CREM: variants seen among roughly 807,000 people sequenced by gnomAD.
CREM encodes cAMP-responsive element modulator.
CREM carries 13 observed loss-of-function variants against 37.3 expected under a neutral mutation model. The ratio of observed to expected loss-of-function variants is 0.35; its 90% confidence interval spans 0.23 to 0.55. CREM has a LOEUF of 0.55. Among genes scored for constraint, CREM ranks in the 20% least tolerant of loss-of-function variants. The probability of loss-of-function intolerance (pLI) is 0.88; values close to 1 mark genes in which losing one functional copy is unlikely to be tolerated. For synonymous variants in CREM, 124 were observed against 120.2 expected, an observed-to-expected ratio of 1.03 and a Z score of -0.21; for missense variants, 296 against 362.3, an observed-to-expected ratio of 0.82 and a Z score of 1.49.
At chr10:35,167,281 A>G (rs953961237) in intron 3 of CREM, among the ~76,000 whole-genome samples, 5 of 152,198 alleles carry the variant, frequency 3.3e-5, no homozygotes, top group African/African-American at 1.2e-4. Context: ...TATAGAACAG[A>G]CTTTTGAGAA....
rs113138162 is a variant in CREM at position 35,146,080 on chromosome 10, T to C, written c.45-2288T>C. Among the ~76,000 whole-genome samples, 980 of 152,374 alleles carry C rather than the reference T, an allele frequency of 6.4e-3. 14 individuals carry two copies. The highest frequency in any genetic ancestry group is 0.022 in the African/African-American group (930 of 41,590). ...AAGGGCCATGACTTATCTGCTTTTG[T>C]ATTTTCAGGGCCTGCCATGTAGACT... On this transcript the variant is annotated intron_variant, in intron 2 of 7. Coordinates refer to ENST00000685392, the MANE Select transcript of CREM (RefSeq NM_183011.2).
At chr10:35,177,817 A>G (rs1173341836) in intron 3 of CREM, among the ~76,000 whole-genome samples, 1 of 152,180 alleles carries the variant, frequency 6.6e-6, no homozygotes, top group Non-Finnish European at 1.5e-5. Flanking sequence ...AGTTGTTATG[A>G]TTCTATGACA....
chr10:35,161,587 C>A (rs757394372), intron 3 of CREM, among the ~76,000 whole-genome samples: 1 of 151,666 alleles, frequency 6.6e-6, no homozygotes, highest in African/African-American at 2.4e-5. Context: ...CACTTGAACC[C>A]GGGAGGCAGA....
chr10:35,209,288 G>T (rs932599399), intron 7 of CREM: 11 of 984,976 alleles, frequency 1.1e-5, no homozygotes, highest in African/African-American at 3.5e-5. Context: ...TGCCAATCCA[G>T]CAACAGTTTT....
At chr10:35,138,526 A>G (rs923745121) in intron 2 of CREM, among the ~76,000 whole-genome samples, 1 of 136,924 alleles carries the variant, frequency 7.3e-6, no homozygotes, top group East Asian at 2.0e-4. Context: ...AAATTTTAGA[A>G]TTTTTTTTTT....
At chr10:35,166,967 C>G (rs1221851308) in intron 3 of CREM, among the ~76,000 whole-genome samples, 2 of 152,034 alleles carry the variant, frequency 1.3e-5, no homozygotes, top group African/African-American at 4.8e-5. Flanking sequence ...GATGGTAAAC[C>G]CTGTCTTTAC....
intron 2 of CREM, 74 bp from the exon 3 acceptor site, chr10:35,148,294 A>C: frequency 1.4e-6 from 2 of 1,429,358 alleles, no homozygotes; most frequent in Admixed American, 4.7e-5. Context: ...TTTTTGGATT[A>C]GGGATGTTCA....
chr10:35,131,452 A>T (rs1367173875), intron 1 of CREM, among the ~76,000 whole-genome samples: 1 of 152,124 alleles, frequency 6.6e-6, no homozygotes, highest in Non-Finnish European at 1.5e-5. Context: ...TAGCACAAAA[A>T]ATGATTTTTT....
At chr10:35,194,772 T>A (rs1287131138) in intron 6 of CREM, among the ~76,000 whole-genome samples, 1 of 152,106 alleles carries the variant, frequency 6.6e-6, no homozygotes, top group Non-Finnish European at 1.5e-5. Flanking sequence ...CCAAGTGTTT[T>A]TTCTCTTATG....
At chr10:35,174,139 T>C (rs183484239) in intron 3 of CREM, among the ~76,000 whole-genome samples, 245 of 152,330 alleles carry the variant, frequency 1.6e-3, no homozygotes, top group Middle Eastern at 3.4e-3. Context: ...GGGCTACATA[T>C]TGGTTGCCTC....
intron 6 of CREM, among the ~76,000 whole-genome samples, chr10:35,198,794 A>G (rs1000901458): frequency 6.6e-6 from 1 of 152,174 alleles, no homozygotes; most frequent in East Asian, 1.9e-4. Context: ...ATAAGGATAT[A>G]TATCACCTTT....
chr10:35,133,852 C>G (rs994227610), intron 1 of CREM, among the ~76,000 whole-genome samples: 5 of 152,178 alleles, frequency 3.3e-5, no homozygotes, highest in African/African-American at 1.2e-4. Context: ...CCTGGGCACA[C>G]TAGAGAACTG....
intron 3 of CREM, among the ~76,000 whole-genome samples, chr10:35,150,047 T>G (rs1356465313): frequency 1.3e-5 from 2 of 152,212 alleles, no homozygotes; most frequent in Non-Finnish European, 2.9e-5. Flanking sequence ...TGTTAACATT[T>G]TGGTGTAGCT....
At chr10:35,196,248 A>T (rs924482264) in intron 6 of CREM, 1 of 616,036 alleles carries the variant, frequency 1.6e-6, no homozygotes. Flanking sequence ...TCTAGTGTTC[A>T]GTCAGGGAAG....
chr10:35,179,225 G>A lies in CREM; in HGVS notation c.358G>A (p.Ala120Thr). Residue 120 changes from alanine (A) to threonine (T), a missense_variant, in exon 5 of 8, where the codon GCT becomes ACT. Physicochemically the swap from Ala to Thr is moderately conservative, Grantham distance 58 (BLOSUM62 0). Transcript: ENST00000685392. ...SEEEGTPPSI[A>T]TMAVPTSIYQ... ...GGAAGAAGGAACACCACCTAGTATTGCTACCATGGCAGTACCAACTAGCAT... is the reference window on the plus strand; with the variant it reads ...GGAAGAAGGAACACCACCTAGTATTACTACCATGGCAGTACCAACTAGCAT... 6.2e-7 allele frequency: 1 copy of A among 1,614,074 alleles called. No homozygotes were observed. The highest frequency in any genetic ancestry group is 8.5e-7 in the Non-Finnish European group (1 of 1,179,960).
At chr10:35,133,204 G>A (rs560601495) in intron 1 of CREM, among the ~76,000 whole-genome samples, 7 of 152,056 alleles carry the variant, frequency 4.6e-5, no homozygotes, top group African/African-American at 1.7e-4. Context: ...TGAAAGTGGA[G>A]TAAGAACTTA....
chr10:35,212,820 A>G lies in CREM; in HGVS notation c.*1422A>G, dbSNP rs1178299426. On this transcript the variant is annotated 3_prime_UTR_variant, in exon 8 of 8. Coordinates refer to ENST00000685392, the MANE Select transcript of CREM (RefSeq NM_183011.2). ...GATTTTTTCATTTCAAAATGCTTCAAAGTCCACATTAGATCAGATACTCCG... is the reference window on the plus strand; with the variant it reads ...GATTTTTTCATTTCAAAATGCTTCAGAGTCCACATTAGATCAGATACTCCG... 1 of 152,760 alleles carries G rather than the reference A, an allele frequency of 6.5e-6. No homozygotes were observed. The highest frequency in any genetic ancestry group is 1.5e-5 in the Non-Finnish European group (1 of 68,030). The allele number at this position is 152,760 out of a possible 1,614,324, so 9.5% of individuals were successfully genotyped here.
At chr10:35,172,572 GTTTT>G (rs11296111) in intron 3 of CREM, among the ~76,000 whole-genome samples, 6 of 147,372 alleles carry the variant, frequency 4.1e-5, no homozygotes, top group Non-Finnish European at 3.0e-5. Context: ...TCCACTTGCA[GTTTT>G]TTTTTTTTTA....
At chr10:35,163,821 C>G (rs1231969730) in intron 3 of CREM, among the ~76,000 whole-genome samples, 1 of 151,404 alleles carries the variant, frequency 6.6e-6, no homozygotes, top group African/African-American at 2.4e-5. Context: ...AACTCCGTCT[C>G]CAAAAAACAA....
Sources: gnomAD v4.1 joint callset for allele counts (sites outside exome capture counted in the v4.1 genomes callset) on GRCh38, gnomAD v4.1.1 for gene constraint, MANE v1.5 for transcripts, NCBI Gene and HGNC (gene_info 2026-07-23, HGNC 2026-07-21) for gene names.